The following BICDL2 variants were observed in gnomAD, a reference collection of about 807,000 sequenced individuals.
The protein encoded by BICDL2 is BICD family like cargo adaptor 2, also known as BICD family-like cargo adapter 2.
Under a neutral mutation model 56.6 loss-of-function variants are expected in BICDL2, and 62 were observed. The ratio of observed to expected loss-of-function variants is 1.10; its 90% CI spans 0.89 to 1.35. The LOEUF (loss-of-function observed/expected upper bound fraction) is 1.35. Among genes scored for constraint, BICDL2 ranks in the 40% most tolerant of loss-of-function variants. The pLI is 0.00. For missense variants in BICDL2, 808 were observed against 684.5 expected, an observed-to-expected ratio of 1.18 and a Z score of -2.01; for synonymous variants, 358 against 319.8, an observed-to-expected ratio of 1.12 and a Z score of -1.27.
chr16:3,028,068 CCCCTAAGTGGGCAAGGGCAG>C lies in BICDL2; in HGVS notation c.*18_*37del. ...CCATTGGCCTGAAGAGGAAAGTGAG[CCCCTAAGTGGGCAAGGGCAG>C]CCCTCTGGGCCCAGCCGTCAGGTCC... On this transcript the variant is annotated 3_prime_UTR_variant, in exon 10 of 10. Coordinates refer to ENST00000572449, the MANE Select transcript of BICDL2 (RefSeq NM_001369667.1). 3.6e-6 allele frequency: 5 copies of C among 1,397,412 alleles called. No homozygotes were observed. Among genetic ancestry groups the C allele is most frequent in the Non-Finnish European group, 4.6e-6 (5 of 1,077,452 alleles). 86.6% of individuals were successfully genotyped at this position (1,397,412 alleles called of 1,614,324 possible). A position where few individuals can be genotyped will look rare whatever the true frequency, so the allele number is the denominator to read the frequency against.
At position 3,028,478 on chromosome 16, in the gene BICDL2, C is replaced by A; in HGVS notation, c.1239-10G>T. ...GGACAGCTCCAGGGCCCTAGGCGGG[C>A]AGGAGCAGAAGACGCGTTTGAGGGC... On this transcript the variant is annotated splice_polypyrimidine_tract_variant and intron_variant, in intron 8 of 9. Transcript: ENST00000572449. The A allele has an allele frequency of 6.4e-7, 1 of 1,571,530 alleles. No individual in the cohort carries two copies. Among genetic ancestry groups the A allele is most frequent in the Non-Finnish European group, 8.6e-7 (1 of 1,167,562 alleles).
Position 3,030,743 on chromosome 16 carries a change from G to A in BICDL2, c.568C>T (p.Leu190=). The A allele has an allele frequency of 6.2e-7, 1 of 1,612,792 alleles. No homozygotes were observed. The highest frequency in any genetic ancestry group is 8.5e-7 in the Non-Finnish European group (1 of 1,179,818). Reference sequence around the variant, plus strand: ...CGCGTCCTCAGCTCTGCTCCAGCCAGTGCCTGAGCCTGGCACTGTCCCCGA... The same window carrying A: ...CGCGTCCTCAGCTCTGCTCCAGCCAATGCCTGAGCCTGGCACTGTCCCCGA... ...ALRGQCQAQA[L]AGAELRTRLE... is the part of the protein sequence containing the mutation. The change falls in exon 4 of 10, where the codon CTG becomes TTG. Residue 190 remains leucine, a synonymous_variant. Coordinates refer to ENST00000572449, the MANE Select transcript of BICDL2 (RefSeq NM_001369667.1).
chr16:3,032,961 T>G (rs1955678229), intron 2 of BICDL2: 2 of 152,260 alleles, frequency 1.3e-5, no homozygotes, highest in Middle Eastern at 6.8e-3. Flanking sequence ...GATTTGCAGT[T>G]TTTGAAAGTC....
At position 3,027,893 on chromosome 16, in the gene BICDL2, T is replaced by A; in HGVS notation, c.*213A>T. 1 of 833,614 alleles carries A rather than the reference T, an allele frequency of 1.2e-6. No homozygotes were observed. Among genetic ancestry groups the A allele is most frequent in the Non-Finnish European group, 1.8e-6 (1 of 571,088 alleles). The allele number at this position is 833,614 out of a possible 1,614,324, so 51.6% of individuals were successfully genotyped here. ...ATATTAATTCGGAAAATAGCTCTGT[T>A]CACCTGCCCCTGCCACCCACCTGGA... On this transcript the variant is annotated 3_prime_UTR_variant, in exon 10 of 10. Transcript: ENST00000572449.
At chr16:3,031,431 C>T (rs1955653049) in intron 2 of BICDL2, 1 of 541,756 alleles carries the variant, frequency 1.8e-6, no homozygotes, top group Non-Finnish European at 3.3e-6. Context: ...GCCGGGGCTT[C>T]TGGACCTGAG....
chr16:3,030,641 C>T (rs766718439), intron 4 of BICDL2, 46 bp from the exon 5 acceptor site: 4 of 1,593,120 alleles, frequency 2.5e-6, no homozygotes, highest in Non-Finnish European at 2.6e-6. Context: ...CCCCTCCCAG[C>T]CCTCAGCCCG....
intron 1 of BICDL2, chr16:3,036,657 C>G (rs1264680097): frequency 2.2e-6 from 1 of 450,692 alleles, no homozygotes; most frequent in African/African-American, 2.0e-5. Flanking sequence ...ACCGCTCCCC[C>G]TCCCCTTCCG....
At chr16:3,032,020 C>G (rs1955664171) in intron 2 of BICDL2, 2 of 152,312 alleles carry the variant, frequency 1.3e-5, no homozygotes, top group Non-Finnish European at 2.9e-5. Flanking sequence ...CAATGTCCGC[C>G]TCCCAAGTTC....
chr16:3,028,614 TC>T (rs2151139053), intron 8 of BICDL2, 85 bp downstream of exon 8: 47 of 1,476,166 alleles, frequency 3.2e-5, no homozygotes, highest in Non-Finnish European at 4.1e-5. Context: ...GGAGTGGGGA[TC>T]ATTATAACCC....
Position 3,028,899 on chromosome 16 carries a change from C to T in BICDL2, c.1108-69G>A, listed in dbSNP as rs962084454. The T allele has an allele frequency of 2.4e-5, 36 of 1,487,060 alleles. No homozygotes were observed. In the East Asian group the frequency reaches 5.7e-4, roughly 24 times the overall value. 92.1% of individuals were successfully genotyped at this position (1,487,060 alleles called of 1,614,324 possible). A position where few individuals can be genotyped will look rare whatever the true frequency, so the allele number is the denominator to read the frequency against. ...GCCTCCCTGCTTCTCCCAGCAGCCCCGACTCTGGCTCTCCCCACCCCTCCT... is the reference window on the plus strand; with the variant it reads ...GCCTCCCTGCTTCTCCCAGCAGCCCTGACTCTGGCTCTCCCCACCCCTCCT... On this transcript the variant is annotated intron_variant, in intron 7 of 9. Transcript: ENST00000572449.
intron 2 of BICDL2, 157 bp from the exon 3 acceptor site, chr16:3,031,307 A>G: frequency 1.6e-6 from 1 of 641,770 alleles, no homozygotes; most frequent in Non-Finnish European, 2.7e-6. Flanking sequence ...TGAGGGAGGA[A>G]GCGTGAGCAA....
At chr16:3,029,766 G>T (rs1434533846) in intron 5 of BICDL2, 27 bp from the exon 6 acceptor site, 2 of 1,452,606 alleles carry the variant, frequency 1.4e-6, no homozygotes, top group Non-Finnish European at 1.8e-6. Flanking sequence ...AGACGGAAGC[G>T]CGGGCGGTCA....
intron 7 of BICDL2, 23 bp from the exon 8 acceptor site, chr16:3,028,853 G>A (rs748155113): frequency 1.2e-5 from 19 of 1,529,608 alleles, no homozygotes; most frequent in African/African-American, 6.9e-5. Context: ...GAGGGGGGCC[G>A]TGCGGCAGAT....
Position 3,030,490 on chromosome 16 carries a change from A to C in BICDL2, c.721T>G (p.Leu241Val), listed in dbSNP as rs1955636299. 1 of 1,603,362 alleles carries C rather than the reference A, an allele frequency of 6.2e-7. No homozygotes were observed. The highest frequency in any genetic ancestry group is 8.5e-7 in the Non-Finnish European group (1 of 1,179,352). The change falls in exon 5 of 10, where the codon TTG (leucine) becomes GTG (valine). Residue 241 changes from leucine to valine, a missense_variant. Physicochemically the swap from Leu to Val is conservative, Grantham distance 32. Transcript: ENST00000572449. Reference protein sequence around the residue: ...EGRLQTTHEELLLLRRERREH... With the variant: ...EGRLQTTHEEVLLLRRERREH... ...CGCCGCTCCCGCCTCAGCAGCAGCA[A>C]CTCCTCGTGGGTGGTCTGCAGTCTG...
chr16:3,028,235 T>G lies in BICDL2; in HGVS notation c.1398A>C (p.Ser466=). The G allele has an allele frequency of 6.8e-7, 1 of 1,470,724 alleles. No individual in the cohort carries two copies. The allele number at this position is 1,470,724 out of a possible 1,614,324, so 91.1% of individuals were successfully genotyped here. A position where few individuals can be genotyped will look rare whatever the true frequency, so the allele number is the denominator to read the frequency against. The change falls in exon 10 of 10, where the codon TCA becomes TCC. Residue 466 remains serine, a synonymous_variant. Coordinates refer to ENST00000572449, the MANE Select transcript of BICDL2 (RefSeq NM_001369667.1). The stretch of plus-strand genomic sequence containing the variant: ...AGGCGCTCAGCTCCTTCTGGCGCTG[T>G]GAGCGCAGCTGCTGCCCGATCACCA... ...MQVVIGQQLR[S]QRQKELSASA...
intron 2 of BICDL2, among the ~76,000 whole-genome samples, chr16:3,033,860 G>A (rs958660386): frequency 1.3e-5 from 2 of 152,136 alleles, no homozygotes; most frequent in Non-Finnish European, 1.5e-5. Context: ...TTGGGAAGGC[G>A]AGGATGGGGA....
In BICDL2 at chr16:3,029,347, C is replaced by T. The variant is rs545723438; in HGVS notation, c.1040G>A (p.Arg347Gln). The T allele has an allele frequency of 1.3e-5, 21 of 1,610,408 alleles. No individual in the cohort carries two copies. The African/African-American group carries it at 1.5e-4, about 11-fold the overall frequency. ...TATCTCCGCTGGACTGAGGGATGTT[C>T]GCTTCTTGGGGGGCTCTAAGATCTC... ...PEEILEPPKK[R>Q]TSLSPAEILE... Residue 347 changes from arginine (R) to glutamine (Q), a missense_variant, in exon 7 of 10, where the codon CGA (arginine) becomes CAA (glutamine). Transcript: ENST00000572449.
chr16:3,033,957 G>T (rs984702022), intron 2 of BICDL2, among the ~76,000 whole-genome samples: 3 of 152,164 alleles, frequency 2.0e-5, no homozygotes, highest in African/African-American at 7.2e-5. Context: ...GGTGGAGAGG[G>T]TTAGCTACCC....
At chr16:3,029,823 G>T (rs911344885) in intron 5 of BICDL2, 84 bp from the exon 6 acceptor site, 2 of 1,212,178 alleles carry the variant, frequency 1.6e-6, no homozygotes, top group Non-Finnish European at 2.2e-6. Context: ...CCACACGGGG[G>T]TGCCGCGGAG....
Sources: allele counts gnomAD v4.1 joint callset (sites outside exome capture counted in the v4.1 genomes callset), GRCh38; gene constraint gnomAD v4.1.1; transcripts MANE v1.5; gene names NCBI Gene and HGNC (gene_info 2026-07-23, HGNC 2026-07-21).